Variants in PPP1R37 observed in about 807,000 individuals in gnomAD.
The protein encoded by PPP1R37 is protein phosphatase 1 regulatory subunit 37, also known as leucine rich repeat containing 68.
In PPP1R37, 21 loss-of-function variants were observed where a neutral mutation model predicts 61.0. The observed-to-expected ratio is 0.34, with a 90% CI of 0.24 to 0.50. The LOEUF (loss-of-function observed/expected upper bound fraction) is 0.50, where lower values mean the gene tolerates loss of function less well. Among genes scored for constraint, PPP1R37 ranks in the 20% least tolerant of loss-of-function variants. The pLI is 0.98. For synonymous variants in PPP1R37, 443 were observed against 433.5 expected (o/e 1.02, Z -0.27); for missense variants, 910 against 952.7 (o/e 0.96, Z 0.59).
At position 45,135,096 on chromosome 19, in the gene PPP1R37, A is replaced by G. The variant is rs574743727; in HGVS notation, c.203-3418A>G. On this transcript the variant is annotated intron_variant, in intron 1 of 12. Transcript: ENST00000221462. ...AACCCCATCTCTACTAAAAATGCAA[A>G]AATTAGCCAGGTGTGGTGGCGTGTG... 1.5e-3 allele frequency among the ~76,000 whole-genome samples: 225 copies of G among 152,280 alleles called. 1 individual carries two copies. Among genetic ancestry groups the G allele is most frequent in the Non-Finnish European group, 2.3e-3 (156 of 68,026 alleles).
chr19:45,144,872 G>A lies in PPP1R37; in HGVS notation c.1006G>A (p.Glu336Lys). The change falls in exon 9 of 13, where the codon GAG becomes AAG. Residue 336 changes from glutamate to lysine, a missense_variant. Glu to Lys is a moderately conservative substitution (Grantham distance 56). Around this residue, in one of 3 missense-constraint regions of PPP1R37, gnomAD observed 549 missense variants for 505.1 expected, o/e 1.09. Transcript: ENST00000221462. Reference sequence around the variant, plus strand: ...CCTCCAGCCGCACACTCAGAGCCTGGAGACGCTGAACCTGGGCCACAACCC... The same window carrying A: ...CCTCCAGCCGCACACTCAGAGCCTGAAGACGCTGAACCTGGGCCACAACCC... ...GMTLPHTQSL[E>K]TLNLGHNPIG... The A allele has an allele frequency of 2.0e-6, 3 of 1,534,556 alleles. No homozygotes were observed. Among genetic ancestry groups the A allele is most frequent in the East Asian group, 2.4e-5 (1 of 40,840 alleles).
At chr19:45,142,267 G>A (rs979960177) in intron 6 of PPP1R37, 36 bp from the exon 7 acceptor site, 3 of 1,534,526 alleles carry the variant, frequency 2.0e-6, no homozygotes, top group African/African-American at 2.7e-5. Flanking sequence ...GGGGGCAGGG[G>A]CCTGCCCAGT....
chr19:45,100,807 G>C (rs1007443892), intron 1 of PPP1R37, among the ~76,000 whole-genome samples: 2 of 152,216 alleles, frequency 1.3e-5, no homozygotes, highest in African/African-American at 4.8e-5. Context: ...CACGCAGGAG[G>C]GGGTCACTGT....
intron 1 of PPP1R37, among the ~76,000 whole-genome samples, chr19:45,100,660 C>T (rs1322032295): frequency 1.3e-5 from 2 of 152,198 alleles, no homozygotes; most frequent in Non-Finnish European, 1.5e-5. Flanking sequence ...TGGACGCATT[C>T]GGTGCAACGT....
chr19:45,102,867 C>T (rs7248421), intron 1 of PPP1R37, among the ~76,000 whole-genome samples: 14,656 of 152,294 alleles, frequency 0.096, 809 homozygotes, highest in South Asian at 0.13. Context: ...ACAGCACCTC[C>T]AGGGCTGAGC....
At chr19:45,115,066 G>A (rs958223520) in intron 1 of PPP1R37, among the ~76,000 whole-genome samples, 1 of 152,112 alleles carries the variant, frequency 6.6e-6, no homozygotes, top group African/African-American at 2.4e-5. Context: ...AGCGAGTATT[G>A]AGCTCAGTGC....
At chr19:45,118,941 G>A (rs934404651) in intron 1 of PPP1R37, among the ~76,000 whole-genome samples, 3 of 150,982 alleles carry the variant, frequency 2.0e-5, no homozygotes, top group Non-Finnish European at 2.9e-5. Context: ...GTGGGCCACC[G>A]CCTCTGAGCA....
At chr19:45,114,291 C>T (rs1968237190) in intron 1 of PPP1R37, among the ~76,000 whole-genome samples, 2 of 152,224 alleles carry the variant, frequency 1.3e-5, no homozygotes, top group South Asian at 4.1e-4. Flanking sequence ...TCCCAGGGGT[C>T]CTGAAAGCTG....
At chr19:45,122,180 G>C (rs1024909324) in intron 1 of PPP1R37, among the ~76,000 whole-genome samples, 9 of 152,218 alleles carry the variant, frequency 5.9e-5, no homozygotes, top group Non-Finnish European at 1.3e-4. Context: ...TAGTGAAGGT[G>C]CGTAGAAGGC....
At chr19:45,097,101 T>C (rs899981248) in intron 1 of PPP1R37, among the ~76,000 whole-genome samples, 2 of 151,786 alleles carry the variant, frequency 1.3e-5, no homozygotes, top group African/African-American at 4.8e-5. Flanking sequence ...GGAATCGTGG[T>C]ACAGAAAGTG....
rs1403513410 is a variant in PPP1R37 at position 45,141,450 on chromosome 19, C to T, written c.567+9C>T. The T allele has an allele frequency of 6.5e-7, 1 of 1,534,014 alleles. No homozygotes were observed. The highest frequency in any genetic ancestry group is 1.2e-5 in the South Asian group (1 of 83,920). On this transcript the variant is annotated intron_variant, in intron 5 of 12. Coordinates refer to ENST00000221462, the MANE Select transcript of PPP1R37 (RefSeq NM_019121.2). ...CCCACATGATGCGCAAGGTGGGCGC[C>T]TCTCGGCTTCCAGGAAGAGGCAGCT... is the stretch of plus-strand genomic sequence containing the variant.
intron 1 of PPP1R37, chr19:45,136,336 T>C (rs1968538930): frequency 1.3e-5 from 2 of 152,216 alleles, no homozygotes; most frequent in African/African-American, 4.8e-5. Flanking sequence ...TTCTTTTCTC[T>C]CTCTCTTTTG....
chr19:45,114,761 A>G (rs1380883064), intron 1 of PPP1R37, among the ~76,000 whole-genome samples: 2 of 119,068 alleles, frequency 1.7e-5, no homozygotes, highest in East Asian at 4.1e-4. Flanking sequence ...ACCCTGGGCA[A>G]CAAGTGAGAC....
At chr19:45,141,645 C>A (rs1173337631) in intron 5 of PPP1R37, among the ~76,000 whole-genome samples, 2 of 152,228 alleles carry the variant, frequency 1.3e-5, no homozygotes, top group Non-Finnish European at 2.9e-5. Flanking sequence ...TCTCTCCTTG[C>A]GAGGCATTTC....
intron 1 of PPP1R37, among the ~76,000 whole-genome samples, chr19:45,131,767 G>GT (rs996775835): frequency 2.6e-5 from 4 of 152,168 alleles, no homozygotes; most frequent in African/African-American, 9.7e-5. Flanking sequence ...ATTACACAGA[G>GT]TAAGTTTCTG....
intron 1 of PPP1R37, among the ~76,000 whole-genome samples, chr19:45,127,788 A>T (rs1008966385): frequency 1.3e-5 from 2 of 152,126 alleles, no homozygotes; most frequent in African/African-American, 4.8e-5. Context: ...CATCCTGACT[A>T]ACACAGTGAA....
intron 5 of PPP1R37, 69 bp from the exon 6 acceptor site, chr19:45,141,992 G>A: frequency 1.4e-6 from 2 of 1,414,778 alleles, no homozygotes. Flanking sequence ...TGCTGGGGCG[G>A]TCCTGGGGCC....
At chr19:45,125,961 A>T (rs776531103) in intron 1 of PPP1R37, among the ~76,000 whole-genome samples, 1 of 152,178 alleles carries the variant, frequency 6.6e-6, no homozygotes, top group Non-Finnish European at 1.5e-5. Flanking sequence ...CTGCAAGTGC[A>T]CAGGCTTCAG....
chr19:45,094,868 C>T (rs1262918603), intron 1 of PPP1R37, among the ~76,000 whole-genome samples: 3 of 152,080 alleles, frequency 2.0e-5, no homozygotes, highest in Non-Finnish European at 2.9e-5. Context: ...AGGGTCAGGT[C>T]AGTGTTGGAG....
Sources: gnomAD v4.1 joint callset for allele counts (sites outside exome capture counted in the v4.1 genomes callset) on GRCh38, gnomAD v4.1.1 for gene constraint, gnomAD v4.1.1 regional missense constraint, MANE v1.5 for transcripts, NCBI Gene and HGNC (gene_info 2026-07-23, HGNC 2026-07-21) for gene names.